FAM120B: variants seen among roughly 807,000 people sequenced by gnomAD.
FAM120B encodes constitutive coactivator of peroxisome proliferator-activated receptor gamma.
FAM120B carries 83 observed loss-of-function variants against 96.3 expected under a neutral mutation model. That is an observed-to-expected ratio of 0.86 (90% CI 0.72 to 1.03). FAM120B has a LOEUF of 1.03. Ranked by LOEUF, FAM120B falls within the 50% of genes least tolerant of loss-of-function variation. The probability of loss-of-function intolerance (pLI) is 0.00; values close to 1 mark genes in which losing one functional copy is unlikely to be tolerated. For synonymous variants in FAM120B, 407 were observed against 402.7 expected (o/e 1.01, Z -0.13); for missense variants, 1,027 against 1,121.2 (o/e 0.92, Z 1.20).
chr6:170,364,003 G>A (rs76156581), intron 6 of FAM120B, among the ~76,000 whole-genome samples: 1 of 152,120 alleles, frequency 6.6e-6, no homozygotes, highest in Non-Finnish European at 1.5e-5. Context: ...ACAGTGCTGG[G>A]ATTACAGTCA....
At chr6:170,342,252 A>G (rs1261188492) in intron 4 of FAM120B, among the ~76,000 whole-genome samples, 1 of 152,198 alleles carries the variant, frequency 6.6e-6, no homozygotes, top group Non-Finnish European at 1.5e-5. Context: ...ACTTAAATTG[A>G]ACTTGTGAAT....
At chr6:170,381,599 C>G (rs182657775) in intron 6 of FAM120B, among the ~76,000 whole-genome samples, 94 of 152,128 alleles carry the variant, frequency 6.2e-4, no homozygotes, top group African/African-American at 2.2e-3. Flanking sequence ...GCCATTATCC[C>G]TTTTGAATGT....
chr6:170,332,720 G>A (rs1441777958), intron 4 of FAM120B, among the ~76,000 whole-genome samples: 2 of 151,936 alleles, frequency 1.3e-5, no homozygotes, highest in South Asian at 2.1e-4. Flanking sequence ...GTGAGATCCT[G>A]CCGATGGGCC....
At chr6:170,368,974 C>G (rs1788997538) in intron 6 of FAM120B, among the ~76,000 whole-genome samples, 1 of 148,744 alleles carries the variant, frequency 6.7e-6, no homozygotes, top group Non-Finnish European at 1.5e-5. Flanking sequence ...TCATAGGCCC[C>G]CACCTCCAAT....
At chr6:170,294,339 A>G (rs1783950990), upstream of FAM120B, among the ~76,000 whole-genome samples, 1 of 152,216 alleles carries the variant, frequency 6.6e-6, no homozygotes, top group Admixed American at 6.5e-5. This position sits in a 1 kb window ranked among gnomAD's most constrained non-coding sequence, Gnocchi z 7.9. Context: ...TACATCAGAC[A>G]CAGAAGTGGA....
intron 1 of FAM120B, among the ~76,000 whole-genome samples, chr6:170,314,697 C>T (rs1274916260): frequency 3.3e-5 from 5 of 152,146 alleles, no homozygotes; most frequent in Admixed American, 2.0e-4. Context: ...AAATTTAAAG[C>T]GATATCCATG....
At chr6:170,397,917 G>C (rs1475682931) in intron 9 of FAM120B, among the ~76,000 whole-genome samples, 1 of 152,218 alleles carries the variant, frequency 6.6e-6, no homozygotes, top group Non-Finnish European at 1.5e-5. Context: ...TGGGCAGGGC[G>C]TGCTGTCATG....
chr6:170,387,793 A>T (rs1437857950), intron 6 of FAM120B, among the ~76,000 whole-genome samples: 2 of 152,232 alleles, frequency 1.3e-5, no homozygotes, highest in Non-Finnish European at 2.9e-5. Context: ...ATTTTTAAAT[A>T]CAATAAACTT....
intron 3 of FAM120B, among the ~76,000 whole-genome samples, chr6:170,330,137 G>C (rs1006393473): frequency 1.3e-5 from 2 of 152,206 alleles, no homozygotes; most frequent in Admixed American, 1.3e-4. Flanking sequence ...AACAGTGTGA[G>C]GGAGGTAGGG....
intron 5 of FAM120B, among the ~76,000 whole-genome samples, chr6:170,354,552 A>C (rs1441324958): frequency 1.3e-5 from 2 of 152,150 alleles, no homozygotes; most frequent in African/African-American, 4.8e-5. Flanking sequence ...CAAAGAACTT[A>C]AACAGATTTA....
In FAM120B at chr6:170,319,032, A is replaced by G. The variant is rs767444205; in HGVS notation, c.1642A>G (p.Thr548Ala). 1 of 1,610,894 alleles carries G rather than the reference A, an allele frequency of 6.2e-7. No individual in the cohort carries two copies. The highest frequency in any genetic ancestry group is 8.5e-7 in the Non-Finnish European group (1 of 1,178,654). ...ATTTAAGCTAGAAGCTCTCATGTGT[A>G]CAAACCCTGAAATTAAACAAGAAGA... ...FEFKLEALMC[T>A]NPEIKQEDPT... The change falls in exon 2 of 11, where the codon ACA becomes GCA. Residue 548 changes from threonine to alanine, a missense_variant. Around this residue, in one of 3 missense-constraint regions of FAM120B, gnomAD observed 880 missense variants for 980.9 expected, o/e 0.90. Coordinates refer to ENST00000476287, the MANE Select transcript of FAM120B (RefSeq NM_032448.3).
At chr6:170,377,029 G>A (rs367943220) in intron 6 of FAM120B, among the ~76,000 whole-genome samples, 1 of 90,200 alleles carries the variant, frequency 1.1e-5, no homozygotes, top group African/African-American at 5.1e-5. Context: ...CACGCTGCTC[G>A]GTGCTGTGCA....
At chr6:170,329,094 T>C (rs971717238) in intron 3 of FAM120B, among the ~76,000 whole-genome samples, 10 of 152,222 alleles carry the variant, frequency 6.6e-5, no homozygotes, top group Non-Finnish European at 2.9e-5. Flanking sequence ...CCCCAGGACC[T>C]TGCCTGGCTT....
chr6:170,398,722 T>C (rs914202769), intron 9 of FAM120B, among the ~76,000 whole-genome samples: 357 of 145,824 alleles, frequency 2.4e-3, no homozygotes, highest in African/African-American at 9.1e-3. Flanking sequence ...GGTAGAACTA[T>C]GTCATAACTC....
rs1234134335 is a variant in FAM120B at position 170,406,883 on chromosome 6, G to T, written c.*2132G>T. On this transcript the variant is annotated 3_prime_UTR_variant, in exon 11 of 11. Transcript: ENST00000476287. ...ATTCTAGTTTGTCAGTAAAATATTT[G>T]TGTTTGGTTAACAAGCTCTTATTTA... 6.6e-6 allele frequency: 1 copy of T among 152,096 alleles called. No homozygotes were observed. The highest frequency in any genetic ancestry group is 6.5e-5 in the Admixed American group (1 of 15,280). The allele number at this position is 152,096 out of a possible 1,614,324, so 9.4% of individuals were successfully genotyped here.
chr6:170,301,424 T>C (rs1455455330), intron 1 of FAM120B, among the ~76,000 whole-genome samples: 1 of 152,244 alleles, frequency 6.6e-6, no homozygotes, highest in African/African-American at 2.4e-5. Context: ...AGGCCTGTAA[T>C]GGGAGGGGCT....
chr6:170,395,072 G>A (rs1208574606), intron 8 of FAM120B, among the ~76,000 whole-genome samples: 1 of 152,232 alleles, frequency 6.6e-6, no homozygotes, highest in Non-Finnish European at 1.5e-5. Flanking sequence ...GTGTGTGAGT[G>A]AAGTTTGTGG....
intron 3 of FAM120B, among the ~76,000 whole-genome samples, chr6:170,326,538 A>T (rs1222553618): frequency 2.6e-5 from 4 of 152,188 alleles, no homozygotes; most frequent in Admixed American, 2.6e-4. Context: ...AGGGGTTGGC[A>T]CACTTTTTCT....
chr6:170,393,983 C>T (rs900154683), intron 8 of FAM120B, among the ~76,000 whole-genome samples: 20 of 152,230 alleles, frequency 1.3e-4, no homozygotes, highest in Non-Finnish European at 2.8e-4. Context: ...AGCTTGGAGT[C>T]ACCTGTTATT....
Sources: gnomAD v4.1 joint callset for allele counts (sites outside exome capture counted in the v4.1 genomes callset) on GRCh38, gnomAD v4.1.1 for gene constraint, gnomAD v4.1.1 regional missense constraint, Gnocchi (gnomAD v3.1) non-coding constraint, MANE v1.5 for transcripts, NCBI Gene and HGNC (gene_info 2026-07-23, HGNC 2026-07-21) for gene names.